Variants in TASP1 observed in about 807,000 individuals in gnomAD.
The protein encoded by TASP1 is taspase 1.
TASP1 carries 16 observed loss-of-function variants against 56.6 expected under a neutral mutation model. The observed-to-expected ratio is 0.28, with a 90% CI of 0.19 to 0.43. TASP1 has a LOEUF of 0.43. TASP1 is among the 20% of genes least tolerant of loss of function. The pLI is 1.00. For synonymous variants in TASP1, 179 were observed against 184.2 expected (o/e 0.97, Z 0.23); for missense variants, 393 against 511.6 (o/e 0.77, Z 2.24).
Position 13,527,224 on chromosome 20 carries a change from G to C in TASP1, c.874+1209C>G, listed in dbSNP as rs2045016546. 2.0e-5 allele frequency among the ~76,000 whole-genome samples: 3 copies of C among 152,098 alleles called. No homozygotes were observed. The South Asian group carries it at 6.2e-4, about 32-fold the overall frequency. On this transcript the variant is annotated intron_variant, in intron 10 of 13. Transcript: ENST00000337743. ...TCCAGGATCTATGCTACATGCAAAA[G>C]AAAAAGTCACTTGCATCAGAGATCG... is the stretch of plus-strand genomic sequence containing the variant.
At chr20:13,358,638 G>A in the TASP1 span, among the ~76,000 whole-genome samples, 7 of 150,092 alleles carry the variant, frequency 4.7e-5, no homozygotes, top group East Asian at 9.7e-4. Context: ...ACAAAACTTC[G>A]GCGCCAGTCA....
Position 13,554,099 on chromosome 20 carries a change from C to T in TASP1, c.675+4909G>A, listed in dbSNP as rs1024208. Among the ~76,000 whole-genome samples, 493 of 152,260 alleles carry T rather than the reference C, an allele frequency of 3.2e-3. 2 individuals carry two copies. Among genetic ancestry groups the T allele is most frequent in the East Asian group, 0.012 (60 of 5,180 alleles). On this transcript the variant is annotated intron_variant, in intron 8 of 13. Transcript: ENST00000337743. ...TCCTGCCTTACTCTCACTTTGAATG[C>T]AGATGTGACATCTAAAATTTCAGGA...
intron 11 of TASP1, among the ~76,000 whole-genome samples, chr20:13,456,863 G>GA (rs1354304500): frequency 1.3e-5 from 2 of 151,944 alleles, no homozygotes; most frequent in Admixed American, 6.6e-5. Flanking sequence ...TACCTACTAG[G>GA]AAAAAAATGG....
intron 4 of TASP1, among the ~76,000 whole-genome samples, chr20:13,608,636 G>A (rs2048243158): frequency 6.6e-6 from 1 of 152,180 alleles, no homozygotes; most frequent in Non-Finnish European, 1.5e-5. Context: ...TACTTCTCTG[G>A]TGTCATGAAA....
rs921002290 is a variant in TASP1, at chr20:13,421,791, C to T, written c.1097-4270G>A. On this transcript the variant is annotated intron_variant, in intron 12 of 13. Coordinates refer to ENST00000337743, the MANE Select transcript of TASP1 (RefSeq NM_017714.3). ...CATCTGCAAGAACATTCTCTTAATCCGTGGTAATTATGCTCTGTAATGCTG... is the reference window on the plus strand; with the variant it reads ...CATCTGCAAGAACATTCTCTTAATCTGTGGTAATTATGCTCTGTAATGCTG... Among the ~76,000 whole-genome samples, 15 of 152,006 alleles carry T rather than the reference C, an allele frequency of 9.9e-5. 1 individual carries two copies. The highest frequency in any genetic ancestry group is 3.4e-4 in the African/African-American group (14 of 41,368).
At chr20:13,227,956 T>C in the TASP1 span, among the ~76,000 whole-genome samples, 1 of 148,854 alleles carries the variant, frequency 6.7e-6, no homozygotes, top group Non-Finnish European at 1.5e-5. Flanking sequence ...TAGCTGCTGC[T>C]GCCTTTTTTT....
At chr20:13,337,171 T>G in the TASP1 span, among the ~76,000 whole-genome samples, 4 of 152,138 alleles carry the variant, frequency 2.6e-5, no homozygotes, top group African/African-American at 9.7e-5. Context: ...ACGAGGAGGA[T>G]TTCCTTCTCT....
the TASP1 span, chr20:13,279,513 C>T: frequency 2.0e-6 from 2 of 979,492 alleles, no homozygotes; most frequent in Non-Finnish European, 3.0e-6. Context: ...GCAATCTCAG[C>T]TTTCCTTCAC....
At chr20:13,221,086 C>G in the TASP1 span, among the ~76,000 whole-genome samples, 2 of 152,098 alleles carry the variant, frequency 1.3e-5, no homozygotes, top group Non-Finnish European at 2.9e-5. Context: ...ACTCCGAGTG[C>G]GGGGCGGCGC....
At chr20:13,373,086 C>T in the TASP1 span, among the ~76,000 whole-genome samples, 3 of 151,800 alleles carry the variant, frequency 2.0e-5, no homozygotes, top group African/African-American at 7.3e-5. Flanking sequence ...TATGTGCTTT[C>T]TTATTTATCA....
chr20:13,292,350 A>G, the TASP1 span: 2 of 1,498,072 alleles, frequency 1.3e-6, no homozygotes, highest in East Asian at 4.6e-5. Flanking sequence ...AATGATGGAA[A>G]AATGAGCTCT....
the TASP1 span, among the ~76,000 whole-genome samples, chr20:13,229,144 CTCTCTCTT>C: frequency 6.8e-6 from 1 of 146,394 alleles, no homozygotes; most frequent in African/African-American, 2.5e-5. Flanking sequence ...TCTTCTCTCT[CTCTCTCTT>C]TCTGCATTTT....
chr20:13,373,737 ATCTC>A, the TASP1 span, among the ~76,000 whole-genome samples: 119 of 152,250 alleles, frequency 7.8e-4, 1 homozygote, highest in African/African-American at 2.7e-3. Context: ...AAAATAATGG[ATCTC>A]TCTGTTTCCT....
the TASP1 span, among the ~76,000 whole-genome samples, chr20:13,334,606 C>A: frequency 6.6e-6 from 1 of 152,144 alleles, no homozygotes; most frequent in East Asian, 1.9e-4. Flanking sequence ...AATAAGTACA[C>A]ATAGGCTATG....
chr20:13,575,314 C>A (rs771813424), intron 6 of TASP1, among the ~76,000 whole-genome samples: 1 of 152,180 alleles, frequency 6.6e-6, no homozygotes. Context: ...GCTGTGTCCC[C>A]ACCCAAATCT....
At chr20:13,580,176 C>T (rs995217275) in intron 6 of TASP1, among the ~76,000 whole-genome samples, 2 of 152,206 alleles carry the variant, frequency 1.3e-5, no homozygotes, top group South Asian at 2.1e-4. Context: ...CCAGGCACAG[C>T]GGCTCATGCC....
At chr20:13,591,604 A>G (rs2047534660) in intron 4 of TASP1, among the ~76,000 whole-genome samples, 1 of 152,212 alleles carries the variant, frequency 6.6e-6, no homozygotes, top group South Asian at 2.1e-4. Flanking sequence ...AGGCCAAACA[A>G]AAAAGACACC....
chr20:13,341,828 C>G, the TASP1 span, among the ~76,000 whole-genome samples: 1 of 152,218 alleles, frequency 6.6e-6, no homozygotes. Flanking sequence ...TGTTGGCTGG[C>G]TGTTCTAGGA....
At chr20:13,597,723 G>T (rs62207617) in intron 4 of TASP1, among the ~76,000 whole-genome samples, 9,411 of 152,174 alleles carry the variant, frequency 0.062, 381 homozygotes, top group African/African-American at 0.1. Flanking sequence ...ATTCAATTAG[G>T]AAAAGAAGAA....
Sources: gnomAD v4.1 joint callset for allele counts (sites outside exome capture counted in the v4.1 genomes callset) on GRCh38, gnomAD v4.1.1 for gene constraint, MANE v1.5 for transcripts, NCBI Gene and HGNC (gene_info 2026-07-23, HGNC 2026-07-21) for gene names.